Variants in SNX29 observed in about 807,000 individuals in gnomAD.
The protein encoded by SNX29 is sorting nexin-29.
SNX29 carries 78 observed loss-of-function variants against 102.1 expected under a neutral mutation model. The ratio of observed to expected loss-of-function variants is 0.76; its 90% CI spans 0.64 to 0.92. The LOEUF (loss-of-function observed/expected upper bound fraction) is 0.92, where lower values mean the gene tolerates loss of function less well. SNX29 is among the 40% of genes least tolerant of loss of function. The probability of loss-of-function intolerance (pLI) is 0.00; values close to 1 mark genes in which losing one functional copy is unlikely to be tolerated. For synonymous variants in SNX29, 580 were observed against 414.5 expected, an observed-to-expected ratio of 1.40 and a Z score of -4.85; for missense variants, 1,280 against 1,061.7, an observed-to-expected ratio of 1.21 and a Z score of -2.86.
chr16:12,192,524 G>C (rs993370504), intron 13 of SNX29, among the ~76,000 whole-genome samples: 1 of 151,228 alleles, frequency 6.6e-6, no homozygotes, highest in Non-Finnish European at 1.5e-5. Context: ...TTATTTTTTT[G>C]TTTGTGAATT....
chr16:12,354,790 C>A (rs1208539288), intron 15 of SNX29, among the ~76,000 whole-genome samples: 2 of 152,176 alleles, frequency 1.3e-5, no homozygotes, highest in African/African-American at 4.8e-5. Flanking sequence ...TCAACCTTTT[C>A]TTATCCAAAA....
intron 15 of SNX29, among the ~76,000 whole-genome samples, chr16:12,329,378 T>C (rs2081228063): frequency 2.0e-5 from 3 of 151,732 alleles, no homozygotes; most frequent in African/African-American, 7.3e-5. Flanking sequence ...GGATACTGGG[T>C]TGCTACTAGC....
At position 11,979,781 on chromosome 16, in the gene SNX29, G is replaced by A. The variant is rs777345814; in HGVS notation, c.7+2968G>A. Among the ~76,000 whole-genome samples, 6 of 151,892 alleles carry A rather than the reference G, an allele frequency of 4.0e-5. No homozygotes were observed. In the East Asian group the frequency reaches 1.2e-3, roughly 30 times the overall value. On this transcript the variant is annotated intron_variant, in intron 1 of 20. Coordinates refer to ENST00000566228, the MANE Select transcript of SNX29 (RefSeq NM_032167.5). ...GTATTTTTAGTAGAGATGGAGTTTCGCTGTGTTGGCCAGGCTGGTCTCGAA... is the reference window on the plus strand; with the variant it reads ...GTATTTTTAGTAGAGATGGAGTTTCACTGTGTTGGCCAGGCTGGTCTCGAA...
intron 16 of SNX29, among the ~76,000 whole-genome samples, chr16:12,367,777 C>T (rs1476118939): frequency 3.3e-5 from 5 of 152,230 alleles, no homozygotes; most frequent in African/African-American, 9.6e-5. Context: ...GGCTTTTTAA[C>T]TCAGCGCTTG....
chr16:12,024,564 A>C (rs1437529650), intron 3 of SNX29, among the ~76,000 whole-genome samples: 1 of 152,194 alleles, frequency 6.6e-6, no homozygotes, highest in Non-Finnish European at 1.5e-5. Flanking sequence ...ATAGTGATCT[A>C]ATTAAAAGAC....
At chr16:12,089,124 GAA>G (rs1039294271) in intron 11 of SNX29, among the ~76,000 whole-genome samples, 3 of 89,144 alleles carry the variant, frequency 3.4e-5, no homozygotes, top group African/African-American at 1.4e-4. Context: ...GAGAGAGAGA[GAA>G]AAGAGAGAGA....
intron 15 of SNX29, among the ~76,000 whole-genome samples, chr16:12,322,709 G>C (rs979453149): frequency 2.0e-5 from 3 of 151,682 alleles, no homozygotes; most frequent in African/African-American, 7.3e-5. Context: ...CCACCGTCAG[G>C]ACTTGGTCAC....
chr16:12,001,830 CA>C (rs1052409878), intron 2 of SNX29, among the ~76,000 whole-genome samples: 2 of 151,964 alleles, frequency 1.3e-5, no homozygotes, highest in African/African-American at 4.8e-5. Flanking sequence ...CCAGCCTGGG[CA>C]ACATAGTGAG....
intron 18 of SNX29, among the ~76,000 whole-genome samples, chr16:12,404,392 G>C (rs1372786219): frequency 6.6e-6 from 1 of 152,074 alleles, no homozygotes; most frequent in Non-Finnish European, 1.5e-5. Context: ...CAGCTCGTCT[G>C]CATGTCTGTC....
rs143130623 is a variant in SNX29, at chr16:12,571,896, C to G, written c.*3267C>G. On this transcript the variant is annotated 3_prime_UTR_variant, in exon 21 of 21. Transcript: ENST00000566228. Reference sequence around the variant, plus strand: ...GAGTTTGGAGCTGAGGTTCAAAGCCCCCTGCATTTCTCTACTGGCAGGCCC... The same window carrying G: ...GAGTTTGGAGCTGAGGTTCAAAGCCGCCTGCATTTCTCTACTGGCAGGCCC... 1 of 1,061,936 alleles carries G rather than the reference C, an allele frequency of 9.4e-7. No individual in the cohort carries two copies. Among genetic ancestry groups the G allele is most frequent in the African/African-American group, 1.6e-5 (1 of 60,880 alleles). 65.8% of individuals were successfully genotyped at this position (1,061,936 alleles called of 1,614,324 possible).
At chr16:12,341,669 T>C (rs1424651504) in intron 15 of SNX29, among the ~76,000 whole-genome samples, 1 of 152,212 alleles carries the variant, frequency 6.6e-6, no homozygotes, top group Non-Finnish European at 1.5e-5. Context: ...TCTCACTTAG[T>C]GTTACAGGGA....
intron 5 of SNX29, among the ~76,000 whole-genome samples, chr16:12,043,954 A>G (rs1323672084): frequency 6.6e-6 from 1 of 151,160 alleles, no homozygotes; most frequent in African/African-American, 2.4e-5. Context: ...GGGTTTAATC[A>G]TGTTGGCCAG....
At chr16:12,443,884 C>G (rs929250817) in intron 18 of SNX29, among the ~76,000 whole-genome samples, 2 of 152,260 alleles carry the variant, frequency 1.3e-5, no homozygotes, top group African/African-American at 2.4e-5. Context: ...GTACCTTCTT[C>G]ACTGGGGAAT....
At chr16:12,161,569 G>A (rs1332807852) in intron 13 of SNX29, among the ~76,000 whole-genome samples, 1 of 152,178 alleles carries the variant, frequency 6.6e-6, no homozygotes, top group Non-Finnish European at 1.5e-5. Flanking sequence ...TTGGATGTTT[G>A]TTCCCTCCAA....
chr16:12,119,712 C>T (rs1203615438), intron 11 of SNX29, among the ~76,000 whole-genome samples: 2 of 152,096 alleles, frequency 1.3e-5, no homozygotes. Context: ...CCTGGCACTG[C>T]CCGCTTGGGG....
chr16:12,354,192 T>C (rs989807832), intron 15 of SNX29, among the ~76,000 whole-genome samples: 1 of 152,242 alleles, frequency 6.6e-6, no homozygotes, highest in Non-Finnish European at 1.5e-5. Context: ...AGATGAAAGC[T>C]GTTGATACCA....
intron 20 of SNX29, among the ~76,000 whole-genome samples, chr16:12,542,891 C>T (rs2077406929): frequency 6.6e-6 from 1 of 152,002 alleles, no homozygotes; most frequent in African/African-American, 2.4e-5. Flanking sequence ...GTCCCAGAAA[C>T]ATGATTTGAG....
intron 20 of SNX29, among the ~76,000 whole-genome samples, chr16:12,551,107 G>T (rs886275605): frequency 3.3e-5 from 5 of 152,042 alleles, no homozygotes; most frequent in African/African-American, 1.2e-4. Flanking sequence ...GATGAAATCT[G>T]GTGTGAAATA....
At chr16:12,337,661 A>T (rs980238981) in intron 15 of SNX29, among the ~76,000 whole-genome samples, 3 of 152,190 alleles carry the variant, frequency 2.0e-5, no homozygotes, top group Non-Finnish European at 4.4e-5. Context: ...ACTTTGAAGA[A>T]GAATACTTGC....
Sources: allele counts gnomAD v4.1 joint callset (sites outside exome capture counted in the v4.1 genomes callset), GRCh38; gene constraint gnomAD v4.1.1; transcripts MANE v1.5; gene names NCBI Gene and HGNC (gene_info 2026-07-23, HGNC 2026-07-21).